The following DPY19L2 variants were observed in gnomAD, a reference collection of about 807,000 sequenced individuals.
The protein encoded by DPY19L2 is probable C-mannosyltransferase DPY19L2.
DPY19L2 carries 34 observed loss-of-function variants against 97.9 expected under a neutral mutation model. The observed-to-expected ratio is 0.35, with a 90% confidence interval of 0.26 to 0.46. The LOEUF is 0.46. Among genes scored for constraint, DPY19L2 ranks in the 20% least tolerant of loss-of-function variants. DPY19L2 has a pLI of 1.00. For synonymous variants in DPY19L2, 230 were observed against 307.9 expected (o/e 0.75, Z 2.65); for missense variants, 623 against 911.4 (o/e 0.68, Z 4.07).
chr12:63,566,510 T>C (rs1261840428), intron 21 of DPY19L2, among the ~76,000 whole-genome samples: 2 of 151,814 alleles, frequency 1.3e-5, no homozygotes, highest in African/African-American at 4.8e-5. Flanking sequence ...TATAATTTTG[T>C]CATTTGAAGA....
In DPY19L2 at chr12:63,626,537, A is replaced by C. The variant is rs775729672; in HGVS notation, c.804-11T>G. 18 of 1,557,894 alleles carry C rather than the reference A, an allele frequency of 1.2e-5. No homozygotes were observed. The highest frequency in any genetic ancestry group is 1.6e-5 in the Non-Finnish European group (18 of 1,158,582). On this transcript the variant is annotated splice_polypyrimidine_tract_variant and intron_variant, in intron 6 of 21. Coordinates refer to ENST00000324472, the MANE Select transcript of DPY19L2 (RefSeq NM_173812.5). ...CCCAGTTGAGTCCCACTGTAAAAAAAAAACAAAAAAAACAGAGAATACAAT... is the reference window on the plus strand; with the variant it reads ...CCCAGTTGAGTCCCACTGTAAAAAACAAACAAAAAAAACAGAGAATACAAT...
rs1890954912 is a variant in DPY19L2, at chr12:63,632,858, A to AGTATATATCTAT, written c.804-6333_804-6332insATAGATATATAC. 3.3e-5 allele frequency among the ~76,000 whole-genome samples: 5 copies of AGTATATATCTAT among 152,184 alleles called. No homozygotes were observed. The South Asian group carries it at 1.0e-3, about 31-fold the overall frequency. ...ACCAAAACAGCATGGTACTGGTACC[A>AGTATATATCTAT]AAACTGAGATATAGACCAATGGAAC... On this transcript the variant is annotated intron_variant, in intron 6 of 21. Coordinates refer to ENST00000324472, the MANE Select transcript of DPY19L2 (RefSeq NM_173812.5).
intron 5 of DPY19L2, among the ~76,000 whole-genome samples, chr12:63,646,367 C>T (rs1348066992): frequency 6.6e-6 from 1 of 152,080 alleles, no homozygotes; most frequent in African/African-American, 2.4e-5. Flanking sequence ...TTTCTCCAAT[C>T]CTTTACATTG....
chr12:63,661,149 A>G, intron 4 of DPY19L2, 195 bp downstream of exon 4: 2 of 414,064 alleles, frequency 4.8e-6, no homozygotes, highest in Non-Finnish European at 8.1e-6. Context: ...TCATTCTTCG[A>G]GTTCATGAGA....
At chr12:63,647,735 T>C (rs1267200606) in intron 4 of DPY19L2, among the ~76,000 whole-genome samples, 1 of 152,156 alleles carries the variant, frequency 6.6e-6, no homozygotes, top group Non-Finnish European at 1.5e-5. Flanking sequence ...TGCTGTATTA[T>C]GAAGCTAATG....
At chr12:63,589,540 G>C (rs1246499975) in intron 16 of DPY19L2, among the ~76,000 whole-genome samples, 3 of 151,892 alleles carry the variant, frequency 2.0e-5, no homozygotes, top group African/African-American at 7.2e-5. Flanking sequence ...CTCATTAGAG[G>C]GGGAAAGGTA....
At chr12:63,585,955 T>C (rs575511293) in intron 16 of DPY19L2, among the ~76,000 whole-genome samples, 1 of 152,104 alleles carries the variant, frequency 6.6e-6, no homozygotes, top group African/African-American at 2.4e-5. Context: ...AAGAGCAAAA[T>C]GTACACAGCT....
At position 63,651,492 on chromosome 12, in the gene DPY19L2, A is replaced by G. The variant is rs536477895; in HGVS notation, c.589-4127T>C. 6 of 155,940 alleles carry G rather than the reference A, an allele frequency of 3.8e-5. No homozygotes were observed. The East Asian group carries it at 1.1e-3, about 29-fold the overall frequency. The allele number at this position is 155,940 out of a possible 1,614,324, so 9.7% of individuals were successfully genotyped here. A position where few individuals can be genotyped will look rare whatever the true frequency, so the allele number is the denominator to read the frequency against. The stretch of plus-strand genomic sequence containing the variant: ...CTACAGAAAGGGAGAAAATATTTGC[A>G]AACTATTCATCTGACAAAGGTCTAA... On this transcript the variant is annotated intron_variant, in intron 4 of 21. Coordinates refer to ENST00000324472, the MANE Select transcript of DPY19L2 (RefSeq NM_173812.5).
intron 4 of DPY19L2, chr12:63,660,778 T>C (rs1895574974): frequency 6.6e-6 from 1 of 152,194 alleles, no homozygotes; most frequent in Admixed American, 6.5e-5. Flanking sequence ...CAGTAGTATT[T>C]ACCATGGTGT....
At chr12:63,657,556 T>C (rs1592754703) in intron 4 of DPY19L2, among the ~76,000 whole-genome samples, 1 of 140,532 alleles carries the variant, frequency 7.1e-6, no homozygotes, top group African/African-American at 2.8e-5. Context: ...TTTTAACATT[T>C]AGGTTTTTTT....
In DPY19L2 at chr12:63,663,839, A is replaced by C; in HGVS notation, c.369T>G (p.His123Gln). 1 of 1,599,192 alleles carries C rather than the reference A, an allele frequency of 6.3e-7. No individual in the cohort carries two copies. The highest frequency in any genetic ancestry group is 8.5e-7 in the Non-Finnish European group (1 of 1,174,408). ...AVFVAILHWL[H>Q]LVTLFENDRH... ...GATCATTTTCAAAAAGTGTTACTAA[A>C]TGTAACCTAGAAAAAAATGAAGTAT... The change falls in exon 3 of 22, where the codon CAT (histidine) becomes CAG (glutamine). Residue 123 changes from histidine (H) to glutamine (Q), a missense_variant. This residue lies in a region of DPY19L2 where 84 missense variants were observed against 125.4 expected (regional missense o/e 0.67). Transcript: ENST00000324472.
intron 11 of DPY19L2, among the ~76,000 whole-genome samples, chr12:63,609,181 CT>C (rs776554209): frequency 7.9e-5 from 12 of 152,130 alleles, no homozygotes; most frequent in East Asian, 7.7e-4. Flanking sequence ...AGCACCACCC[CT>C]GGCAGTCTTT....
intron 6 of DPY19L2, among the ~76,000 whole-genome samples, chr12:63,630,684 C>G (rs181850467): frequency 6.6e-6 from 1 of 152,014 alleles, no homozygotes; most frequent in African/African-American, 2.4e-5. Flanking sequence ...CAAGGATATC[C>G]AGGAATTGAA....
chr12:63,565,711 C>T (rs1305332757), intron 21 of DPY19L2, among the ~76,000 whole-genome samples: 1 of 152,106 alleles, frequency 6.6e-6, no homozygotes, highest in Non-Finnish European at 1.5e-5. Context: ...TTAAGTCTGT[C>T]ATCTCAGTGT....
intron 19 of DPY19L2, among the ~76,000 whole-genome samples, chr12:63,572,030 G>A (rs987349057): frequency 7.9e-5 from 12 of 151,416 alleles, no homozygotes; most frequent in African/African-American, 2.7e-4. Context: ...ATGTGATAAT[G>A]ATCTACACAA....
intron 6 of DPY19L2, among the ~76,000 whole-genome samples, chr12:63,638,891 G>A (rs1263475349): frequency 3.3e-5 from 5 of 152,082 alleles, no homozygotes; most frequent in Non-Finnish European, 7.4e-5. Context: ...AGCCCGCATT[G>A]CCAAGACAAT....
chr12:63,598,984 C>T (rs1387751704), intron 13 of DPY19L2, among the ~76,000 whole-genome samples: 2 of 151,412 alleles, frequency 1.3e-5, no homozygotes, highest in Non-Finnish European at 2.9e-5. Context: ...ACCAGGCTGG[C>T]CAACATGCTG....
At chr12:63,587,984 A>G (rs1445397004) in intron 16 of DPY19L2, among the ~76,000 whole-genome samples, 1 of 152,176 alleles carries the variant, frequency 6.6e-6, no homozygotes, top group East Asian at 1.9e-4. Flanking sequence ...TACACACATC[A>G]TGGGATACAG....
intron 14 of DPY19L2, among the ~76,000 whole-genome samples, chr12:63,596,992 A>G (rs2137532780): frequency 2.0e-5 from 3 of 151,504 alleles, no homozygotes; most frequent in Admixed American, 2.0e-4. Flanking sequence ...TTTTTTTTTG[A>G]TACAGAGTCT....
Sources: gnomAD v4.1 joint callset for allele counts (sites outside exome capture counted in the v4.1 genomes callset) on GRCh38, gnomAD v4.1.1 for gene constraint, gnomAD v4.1.1 regional missense constraint, MANE v1.5 for transcripts, NCBI Gene and HGNC (gene_info 2026-07-23, HGNC 2026-07-21) for gene names.